The following NTM variants were observed in gnomAD, a reference collection of about 807,000 sequenced individuals.
The protein encoded by NTM is neurotrimin.
Under a neutral mutation model 42.1 loss-of-function variants are expected in NTM, and 13 were observed. That is an observed-to-expected ratio of 0.31 (90% CI 0.20 to 0.49). The LOEUF is 0.49. Among genes scored for constraint, NTM ranks in the 20% least tolerant of loss-of-function variants. NTM has a pLI of 0.99. For synonymous variants in NTM, 187 were observed against 179.2 expected, an observed-to-expected ratio of 1.04 and a Z score of -0.35; for missense variants, 373 against 452.8, an observed-to-expected ratio of 0.82 and a Z score of 1.60.
chr11:131,556,641 C>T (rs1405164396), intron 1 of NTM, among the ~76,000 whole-genome samples: 1 of 144,240 alleles, frequency 6.9e-6, no homozygotes, highest in African/African-American at 2.6e-5. Context: ...GATCTCGGCT[C>T]ATTGAAACCT....
intron 4 of NTM, among the ~76,000 whole-genome samples, chr11:132,262,635 T>C (rs2092931520): frequency 6.6e-6 from 1 of 152,180 alleles, no homozygotes; most frequent in Non-Finnish European, 1.5e-5. Flanking sequence ...CCTCGTAAGC[T>C]AATCACCTCC....
At chr11:131,753,760 G>A in intron 1 of NTM, among the ~76,000 whole-genome samples, 1 of 151,474 alleles carries the variant, frequency 6.6e-6, no homozygotes, top group African/African-American at 2.4e-5. Flanking sequence ...TTGGAGGGGT[G>A]AGGGATAGCA....
intron 1 of NTM, among the ~76,000 whole-genome samples, chr11:131,394,391 C>T (rs1944333239): frequency 6.6e-6 from 1 of 152,116 alleles, no homozygotes; most frequent in Non-Finnish European, 1.5e-5. Flanking sequence ...TGTCTAGGCC[C>T]CCTCACTGGC....
chr11:131,564,990 C>T (rs548601741), intron 1 of NTM, among the ~76,000 whole-genome samples: 91 of 152,360 alleles, frequency 6.0e-4, no homozygotes, highest in African/African-American at 2.2e-3. Flanking sequence ...CTGTCACCTA[C>T]ACCGCCATGC....
chr11:132,134,302 T>C (rs1367708288), intron 2 of NTM, among the ~76,000 whole-genome samples: 1 of 152,100 alleles, frequency 6.6e-6, no homozygotes, highest in African/African-American at 2.4e-5. Flanking sequence ...AGCTGATCTT[T>C]TGTTTGTTTG....
At chr11:132,048,552 T>G (rs149483060) in intron 2 of NTM, among the ~76,000 whole-genome samples, 27 of 152,290 alleles carry the variant, frequency 1.8e-4, no homozygotes, top group African/African-American at 6.3e-4. Flanking sequence ...GGTTCTGCAT[T>G]TCTTGTCATA....
intron 1 of NTM, among the ~76,000 whole-genome samples, chr11:131,893,295 A>G (rs180962802): frequency 1.3e-5 from 2 of 152,316 alleles, no homozygotes; most frequent in Non-Finnish European, 2.9e-5. Flanking sequence ...CCAGAAGCCC[A>G]CTCATGCAAA....
In NTM at chr11:132,229,408, C is replaced by T. The variant is rs2086992578; in HGVS notation, c.526+17261C>T. 2.0e-5 allele frequency among the ~76,000 whole-genome samples: 3 copies of T among 152,176 alleles called. 1 individual carries two copies. In the South Asian group the frequency reaches 6.2e-4, roughly 32 times the overall value. The stretch of plus-strand genomic sequence containing the variant: ...ATTACCTATTCTGTTTCAATACTAA[C>T]AAGAAAATTCAAGATGAATCAATCT... On this transcript the variant is annotated intron_variant, in intron 4 of 8. Coordinates refer to ENST00000683400, the MANE Select transcript of NTM (RefSeq NM_001352005.2).
intron 1 of NTM, among the ~76,000 whole-genome samples, chr11:131,575,932 A>C (rs1246445450): frequency 2.0e-5 from 3 of 152,206 alleles, no homozygotes; most frequent in African/African-American, 7.2e-5. Flanking sequence ...CAGAAGTGCA[A>C]TGCGTCTTCT....
chr11:132,076,384 T>C (rs1378707284), intron 2 of NTM, among the ~76,000 whole-genome samples: 4 of 152,156 alleles, frequency 2.6e-5, no homozygotes, highest in African/African-American at 9.6e-5. Context: ...CTGATCCCCA[T>C]TGTGTTCCAA....
intron 1 of NTM, among the ~76,000 whole-genome samples, chr11:131,882,161 GGTGTATGT>G (rs1168651639): frequency 1.3e-5 from 2 of 152,074 alleles, no homozygotes; most frequent in African/African-American, 4.8e-5. Flanking sequence ...TAATCAATAG[GGTGTATGT>G]GTGTATGTGT....
intron 1 of NTM, among the ~76,000 whole-genome samples, chr11:131,554,519 A>AACAC (rs139415017): frequency 0.018 from 2,729 of 148,114 alleles, 98 homozygotes; most frequent in African/African-American, 0.063. Flanking sequence ...GTCACCTGCA[A>AACAC]ACACACACAC....
intron 1 of NTM, among the ~76,000 whole-genome samples, chr11:131,574,815 T>A (rs1342529382): frequency 6.6e-6 from 1 of 152,082 alleles, no homozygotes; most frequent in Non-Finnish European, 1.5e-5. Context: ...CAAAGTCCCT[T>A]GGCATCGACG....
intron 2 of NTM, among the ~76,000 whole-genome samples, chr11:132,050,054 GA>G (rs1239202939): frequency 6.6e-6 from 1 of 152,128 alleles, no homozygotes; most frequent in East Asian, 1.9e-4. Context: ...AAGGCAGTCG[GA>G]AATTTGCTCA....
intron 2 of NTM, among the ~76,000 whole-genome samples, chr11:131,996,863 T>C (rs2068142704): frequency 6.6e-6 from 1 of 152,118 alleles, no homozygotes; most frequent in Non-Finnish European, 1.5e-5. Context: ...AGCATCTCCT[T>C]CCTTGCTCTG....
At chr11:131,616,941 TA>T (rs1483055827) in intron 1 of NTM, among the ~76,000 whole-genome samples, 1 of 152,132 alleles carries the variant, frequency 6.6e-6, no homozygotes, top group African/African-American at 2.4e-5. Context: ...GACCTTGAAA[TA>T]AGTTCCAGGA....
chr11:132,329,513 G>A (rs543200848), intron 7 of NTM, among the ~76,000 whole-genome samples: 1 of 152,338 alleles, frequency 6.6e-6, no homozygotes, highest in East Asian at 1.9e-4. Flanking sequence ...GGCTGCCCCA[G>A]AGAGATGAAG....
chr11:131,706,905 T>A (rs61901634), intron 1 of NTM, among the ~76,000 whole-genome samples: 123 of 152,210 alleles, frequency 8.1e-4, no homozygotes, highest in Non-Finnish European at 1.4e-3. Context: ...CAATGTGATG[T>A]TGTGATATAT....
chr11:131,865,090 C>A (rs2047002868), intron 1 of NTM, among the ~76,000 whole-genome samples: 1 of 152,216 alleles, frequency 6.6e-6, no homozygotes, highest in South Asian at 2.1e-4. Flanking sequence ...GCTTCATTTT[C>A]TGGGCTGTAT....
Sources: allele counts gnomAD v4.1 joint callset (sites outside exome capture counted in the v4.1 genomes callset), GRCh38; gene constraint gnomAD v4.1.1; transcripts MANE v1.5; gene names NCBI Gene and HGNC (gene_info 2026-07-23, HGNC 2026-07-21).